The following RFX2 variants were observed in gnomAD, a reference collection of about 807,000 sequenced individuals.
RFX2 encodes the protein regulatory factor X2.
A neutral mutation model predicts 87.8 loss-of-function variants in RFX2; 20 were observed. The ratio of observed to expected loss-of-function variants is 0.23; its 90% confidence interval spans 0.16 to 0.33. RFX2 has a LOEUF of 0.33. Among genes scored for constraint, RFX2 ranks in the 10% least tolerant of loss-of-function variants. The pLI is 1.00. For missense variants in RFX2, 767 were observed against 1,012.3 expected, an observed-to-expected ratio of 0.76 and a Z score of 3.29; for synonymous variants, 397 against 431.3, an observed-to-expected ratio of 0.92 and a Z score of 0.98.
At chr19:6,060,213 T>C (rs2087408008) in intron 1 of RFX2, among the ~76,000 whole-genome samples, 1 of 152,212 alleles carries the variant, frequency 6.6e-6, no homozygotes, top group African/African-American at 2.4e-5. Flanking sequence ...ACATCCAGAC[T>C]GTCTACATCC....
At chr19:6,096,515 C>T (rs1438214782) in intron 1 of RFX2, among the ~76,000 whole-genome samples, 3 of 152,108 alleles carry the variant, frequency 2.0e-5, no homozygotes, top group East Asian at 1.9e-4. Flanking sequence ...GGCGCGATCT[C>T]GGCTCACTGC....
chr19:6,067,095 C>T (rs1299263489), intron 1 of RFX2, among the ~76,000 whole-genome samples: 1 of 152,184 alleles, frequency 6.6e-6, no homozygotes, highest in Admixed American at 6.5e-5. Flanking sequence ...GAGGGCATCA[C>T]AGGAGGGATT....
chr19:6,101,583 C>A lies in RFX2; in HGVS notation c.-9+8810G>T, dbSNP rs1276815527. 6.6e-6 allele frequency among the ~76,000 whole-genome samples: 1 copy of A among 152,226 alleles called. No homozygotes were observed. Among genetic ancestry groups the A allele is most frequent in the African/African-American group, 2.4e-5 (1 of 41,458 alleles). ...ATTTTTAAAAAAGTATAATTAAGTG[C>A]TGTTGCAGCTTTAGGAATGGACTTC... On this transcript the variant is annotated intron_variant, in intron 1 of 17. Transcript: ENST00000303657. This position sits in a 1 kb window ranked among gnomAD's most constrained non-coding sequence, Gnocchi z 4.9.
In RFX2 at chr19:5,993,929, C is replaced by T. The variant is rs1326251674; in HGVS notation, c.*906G>A. 1 of 152,278 alleles carries T rather than the reference C, an allele frequency of 6.6e-6. No individual in the cohort carries two copies. The highest frequency in any genetic ancestry group is 1.9e-4 in the East Asian group (1 of 5,198). 9.4% of individuals were successfully genotyped at this position (152,278 alleles called of 1,614,324 possible). Reference sequence around the variant, plus strand: ...GTTTGGACGACACGCGGGATGGCTGCTTTCTGAAGTTGTGGCTGTGACACT... The same window carrying T: ...GTTTGGACGACACGCGGGATGGCTGTTTTCTGAAGTTGTGGCTGTGACACT... On this transcript the variant is annotated 3_prime_UTR_variant, in exon 18 of 18. Transcript: ENST00000303657.
chr19:6,066,352 T>A (rs1019069081), intron 1 of RFX2, among the ~76,000 whole-genome samples: 1 of 152,194 alleles, frequency 6.6e-6, no homozygotes, highest in South Asian at 2.1e-4. Context: ...TGTCTCTACA[T>A]GTGAGCCAGC....
At chr19:6,106,191 G>GT (rs1289473243) in intron 1 of RFX2, among the ~76,000 whole-genome samples, 4 of 151,938 alleles carry the variant, frequency 2.6e-5, no homozygotes, top group East Asian at 1.9e-4. Flanking sequence ...GTGGTTTTCA[G>GT]TTTTTTCTCT....
chr19:5,996,502 C>A (rs997127216), intron 16 of RFX2, among the ~76,000 whole-genome samples: 1 of 152,214 alleles, frequency 6.6e-6, no homozygotes, highest in Non-Finnish European at 1.5e-5. Flanking sequence ...CCAGGACAGG[C>A]CGATCCACAG....
rs1355761952 is a variant in RFX2, at chr19:6,061,975, C to G, written c.-8-14471G>C. Among the ~76,000 whole-genome samples the G allele has an allele frequency of 6.6e-6, 1 of 152,066 alleles. No individual in the cohort carries two copies. The highest frequency in any genetic ancestry group is 1.5e-5 in the Non-Finnish European group (1 of 68,016). On this transcript the variant is annotated intron_variant, in intron 1 of 17. Transcript: ENST00000303657. The surrounding 1 kb of genome is among the most constrained non-coding windows in gnomAD (Gnocchi z 5.2). ...TGGGCAACATAGCGAGGCCCCATCT[C>G]TACAAACAAACAAACAAACAACAAC...
chr19:6,020,028 C>G lies in RFX2; in HGVS notation c.598-3757G>C, dbSNP rs188701845. 3.9e-5 allele frequency: 6 copies of G among 152,326 alleles called. No individual in the cohort carries two copies. The highest frequency in any genetic ancestry group is 5.9e-5 in the Non-Finnish European group (4 of 68,074). The allele number at this position is 152,326 out of a possible 1,614,324, so 9.4% of individuals were successfully genotyped here. Reference sequence around the variant, plus strand: ...TCTGAGGCTGGGGGCACAGGTGCCACTTCTTAGACTGTCCTCCACAGGCAG... The same window carrying G: ...TCTGAGGCTGGGGGCACAGGTGCCAGTTCTTAGACTGTCCTCCACAGGCAG... On this transcript the variant is annotated intron_variant, in intron 6 of 17. Coordinates refer to ENST00000303657, the MANE Select transcript of RFX2 (RefSeq NM_000635.4). The surrounding 1 kb of genome is among the most constrained non-coding windows in gnomAD (Gnocchi z 5.3).
intron 1 of RFX2, among the ~76,000 whole-genome samples, chr19:6,069,867 C>A (rs142299191): frequency 3.9e-5 from 6 of 152,190 alleles, no homozygotes; most frequent in African/African-American, 1.4e-4. Context: ...GGGGAGGCAG[C>A]TGGAAGAGGA....
chr19:6,105,657 G>A (rs1568199847), intron 1 of RFX2, among the ~76,000 whole-genome samples: 2 of 152,132 alleles, frequency 1.3e-5, no homozygotes, highest in African/African-American at 2.4e-5. Context: ...GGAATCATCC[G>A]GGCTAGATGC....
In RFX2 at chr19:6,063,271, C is replaced by T. The variant is rs1321669203; in HGVS notation, c.-8-15767G>A. On this transcript the variant is annotated intron_variant, in intron 1 of 17. Coordinates refer to ENST00000303657, the MANE Select transcript of RFX2 (RefSeq NM_000635.4). This position sits in a 1 kb window ranked among gnomAD's most constrained non-coding sequence, Gnocchi z 4.0. ...AATTGGAGCCTACGCCTGCCAGACC[C>T]CCAGGCCTGAGCGCCAGCCCTTCAC... 1.3e-5 allele frequency among the ~76,000 whole-genome samples: 2 copies of T among 152,210 alleles called. No homozygotes were observed. Among genetic ancestry groups the T allele is most frequent in the Non-Finnish European group, 2.9e-5 (2 of 68,046 alleles).
chr19:6,054,385 A>G (rs2087303845), intron 1 of RFX2, among the ~76,000 whole-genome samples: 1 of 152,228 alleles, frequency 6.6e-6, no homozygotes, highest in Non-Finnish European at 1.5e-5. Context: ...AACTCATTTT[A>G]TGAGGTCAGT....
At chr19:6,106,230 C>CCTAT (rs2088214495) in intron 1 of RFX2, among the ~76,000 whole-genome samples, 1 of 149,960 alleles carries the variant, frequency 6.7e-6, no homozygotes, top group African/African-American at 2.5e-5. Context: ...CATCGGCCTG[C>CCTAT]CCATCCATCC....
At position 6,022,192 on chromosome 19, in the gene RFX2, C is replaced by A. The variant is rs529756609; in HGVS notation, c.597+3971G>T. On this transcript the variant is annotated intron_variant, in intron 6 of 17. Coordinates refer to ENST00000303657, the MANE Select transcript of RFX2 (RefSeq NM_000635.4). This position sits in a 1 kb window ranked among gnomAD's most constrained non-coding sequence, Gnocchi z 6.2. ...CACGCACTGAGCTAAGACACTAATC[C>A]GAGGCAGGCAGGAATTCCAAGGGAA... Among the ~76,000 whole-genome samples, 1 of 152,096 alleles carries A rather than the reference C, an allele frequency of 6.6e-6. No individual in the cohort carries two copies. Among genetic ancestry groups the A allele is most frequent in the Non-Finnish European group, 1.5e-5 (1 of 68,012 alleles).
At chr19:6,035,629 T>A (rs187274698) in intron 5 of RFX2, among the ~76,000 whole-genome samples, 8 of 152,282 alleles carry the variant, frequency 5.3e-5, no homozygotes, top group Non-Finnish European at 1.2e-4. Flanking sequence ...AACTCTGACA[T>A]GAACGAACTG....
rs2087665594 is a variant in RFX2 at position 6,074,799 on chromosome 19, T to G, written c.-8-27295A>C. On this transcript the variant is annotated intron_variant, in intron 1 of 17. Coordinates refer to ENST00000303657, the MANE Select transcript of RFX2 (RefSeq NM_000635.4). This position sits in a 1 kb window ranked among gnomAD's most constrained non-coding sequence, Gnocchi z 5.2. The stretch of plus-strand genomic sequence containing the variant: ...GCTGAGAAGGCTCTGCCAGGGATGG[T>G]GCTCGGCAAGGCTGAGGCACACGGG... Among the ~76,000 whole-genome samples, 1 of 152,090 alleles carries G rather than the reference T, an allele frequency of 6.6e-6. No individual in the cohort carries two copies. The highest frequency in any genetic ancestry group is 2.4e-5 in the African/African-American group (1 of 41,412).
rs2087066769 is a variant in RFX2 at position 6,039,189 on chromosome 19, G to A, written c.522+791C>T. ...GACTGAATCTCAAAGGCACCAGAAT[G>A]AGTAAAAGAAGCCTGTCTGAAAAGG... is the stretch of plus-strand genomic sequence containing the variant. On this transcript the variant is annotated intron_variant, in intron 5 of 17. Coordinates refer to ENST00000303657, the MANE Select transcript of RFX2 (RefSeq NM_000635.4). The surrounding 1 kb of genome is among the most constrained non-coding windows in gnomAD (Gnocchi z 5.2). 1.3e-5 allele frequency among the ~76,000 whole-genome samples: 2 copies of A among 152,182 alleles called. No individual in the cohort carries two copies. Among genetic ancestry groups the A allele is most frequent in the Admixed American group, 6.5e-5 (1 of 15,278 alleles).
chr19:6,002,837 G>C lies in RFX2; in HGVS notation c.1534C>G (p.Arg512Gly). The change falls in exon 14 of 18, where the codon CGG becomes GGG. Residue 512 changes from arginine to glycine, a missense_variant. Arg to Gly is a moderately radical substitution (Grantham distance 125, BLOSUM62 -2). Around this residue, in one of 2 missense-constraint regions of RFX2, gnomAD observed 621 missense variants for 873.0 expected, o/e 0.71. Coordinates refer to ENST00000303657, the MANE Select transcript of RFX2 (RefSeq NM_000635.4). This position sits in a 1 kb window ranked among gnomAD's most constrained non-coding sequence, Gnocchi z 6.7. Reference protein sequence around the residue: ...GVVSAFAQTLRRYTSLNHLAQ... With the variant: ...GVVSAFAQTLGRYTSLNHLAQ... ...AGGTGGTTGAGGGACGTGTAGCGCC[G>C]CAGCGTCTGGGCGAAGGCACTGACG... 6.2e-7 allele frequency: 1 copy of C among 1,611,708 alleles called. No homozygotes were observed. The highest frequency in any genetic ancestry group is 1.1e-5 in the South Asian group (1 of 90,904).
Sources: allele counts gnomAD v4.1 joint callset (sites outside exome capture counted in the v4.1 genomes callset), GRCh38; gene constraint gnomAD v4.1.1; regional missense constraint gnomAD v4.1.1; non-coding constraint Gnocchi (gnomAD v3.1); transcripts MANE v1.5; gene names NCBI Gene and HGNC (gene_info 2026-07-23, HGNC 2026-07-21).